Variants in RSPO2 observed in about 807,000 individuals in gnomAD.
RSPO2 encodes R-spondin 2, also known as R-spondin-2.
In RSPO2, 14 loss-of-function variants were observed where a neutral mutation model predicts 30.9. The ratio of observed to expected loss-of-function variants is 0.45; its 90% CI spans 0.30 to 0.71. RSPO2 has a LOEUF of 0.71. Among genes scored for constraint, RSPO2 ranks in the 30% least tolerant of loss-of-function variants. RSPO2 has a pLI of 0.08. For synonymous variants in RSPO2, 107 were observed against 96.4 expected, an observed-to-expected ratio of 1.11 and a Z score of -0.64; for missense variants, 264 against 301.9, an observed-to-expected ratio of 0.87 and a Z score of 0.93.
intron 5 of RSPO2, among the ~76,000 whole-genome samples, chr8:107,930,054 C>T (rs1812505063): frequency 6.6e-6 from 1 of 152,146 alleles, no homozygotes; most frequent in South Asian, 2.1e-4. Flanking sequence ...TATCTATATT[C>T]CTTAGTGGAC....
At chr8:108,068,004 G>A (rs1168210894) in intron 2 of RSPO2, among the ~76,000 whole-genome samples, 1 of 152,218 alleles carries the variant, frequency 6.6e-6, no homozygotes, top group Middle Eastern at 3.4e-3. Context: ...GGGAGGCAGA[G>A]GTTGCAGTGA....
chr8:107,988,976 A>T (rs1476067943), intron 3 of RSPO2, 80 bp downstream of exon 3: 6 of 1,305,542 alleles, frequency 4.6e-6, no homozygotes, highest in Non-Finnish European at 6.3e-6. Flanking sequence ...TTTTTAAAAA[A>T]ATCATTCAAA....
chr8:108,003,567 C>T (rs1484939945), intron 2 of RSPO2, among the ~76,000 whole-genome samples: 3 of 151,250 alleles, frequency 2.0e-5, no homozygotes, highest in Admixed American at 6.6e-5. Context: ...TACCTTAGAC[C>T]GACCCAATTT....
At chr8:107,920,595 T>C (rs1812129889) in intron 5 of RSPO2, among the ~76,000 whole-genome samples, 1 of 152,144 alleles carries the variant, frequency 6.6e-6, no homozygotes, top group Non-Finnish European at 1.5e-5. Flanking sequence ...ACTGCATAAA[T>C]GGTGCATTTC....
At chr8:107,910,169 T>G (rs1811777890) in intron 5 of RSPO2, among the ~76,000 whole-genome samples, 1 of 152,170 alleles carries the variant, frequency 6.6e-6, no homozygotes, top group Admixed American at 6.5e-5. Context: ...TTTAAAATAA[T>G]TCCATTAGAA....
At chr8:107,942,487 G>A (rs906527358) in intron 5 of RSPO2, among the ~76,000 whole-genome samples, 1 of 152,050 alleles carries the variant, frequency 6.6e-6, no homozygotes, top group African/African-American at 2.4e-5. Context: ...TCTAAGTTTA[G>A]GATATTTTGA....
chr8:108,055,932 G>T (rs939924779), intron 2 of RSPO2, among the ~76,000 whole-genome samples: 2 of 152,054 alleles, frequency 1.3e-5, no homozygotes. Context: ...AGCATGGCTG[G>T]GTCAGAATGC....
intron 5 of RSPO2, among the ~76,000 whole-genome samples, chr8:107,934,415 C>T (rs1201129749): frequency 6.6e-6 from 1 of 150,762 alleles, no homozygotes; most frequent in African/African-American, 2.4e-5. Flanking sequence ...TCTTGTTGCC[C>T]AGGCTGGAGT....
intron 3 of RSPO2, among the ~76,000 whole-genome samples, chr8:107,982,758 A>G (rs928769111): frequency 8.5e-5 from 13 of 152,178 alleles, no homozygotes; most frequent in Non-Finnish European, 1.5e-4. Flanking sequence ...TAAACAGTGC[A>G]ACGCTGACAT....
At chr8:107,935,967 C>A (rs1188451596) in intron 5 of RSPO2, among the ~76,000 whole-genome samples, 1 of 152,064 alleles carries the variant, frequency 6.6e-6, no homozygotes, top group Non-Finnish European at 1.5e-5. Context: ...ACACTTCAAC[C>A]CTCTCTTCTA....
intron 2 of RSPO2, among the ~76,000 whole-genome samples, chr8:108,035,260 C>T (rs1811553965): frequency 6.6e-6 from 1 of 152,170 alleles, no homozygotes; most frequent in Non-Finnish European, 1.5e-5. Flanking sequence ...CAGGTAAGAA[C>T]AAGTCAACAA....
At chr8:107,965,178 A>T (rs867460744) in intron 3 of RSPO2, among the ~76,000 whole-genome samples, 2 of 152,200 alleles carry the variant, frequency 1.3e-5, no homozygotes, top group African/African-American at 2.4e-5. Context: ...TAGTTCAGCC[A>T]ACTTACATGC....
intron 2 of RSPO2, among the ~76,000 whole-genome samples, chr8:108,017,754 A>T (rs1251842897): frequency 6.6e-6 from 1 of 152,204 alleles, no homozygotes; most frequent in Non-Finnish European, 1.5e-5. Flanking sequence ...TTTCATTTTA[A>T]TATTAGTAAT....
At chr8:108,004,790 A>T (rs1376630507) in intron 2 of RSPO2, among the ~76,000 whole-genome samples, 1 of 152,232 alleles carries the variant, frequency 6.6e-6, no homozygotes, top group Admixed American at 6.5e-5. Flanking sequence ...ATTTACAGAT[A>T]TTCTGCCCTC....
In RSPO2 at chr8:107,986,773, G is replaced by A. The variant is rs149462007; in HGVS notation, c.283+2283C>T. The stretch of plus-strand genomic sequence containing the variant: ...CACTCTTGCCTTGTCTTCCTTGTGC[G>A]CTAATAGTCTGGAATGAAACACATA... On this transcript the variant is annotated intron_variant, in intron 3 of 5. Coordinates refer to ENST00000276659, the MANE Select transcript of RSPO2 (RefSeq NM_178565.5). Among the ~76,000 whole-genome samples the A allele has an allele frequency of 1.5e-4, 23 of 152,200 alleles. No homozygotes were observed. The East Asian group carries it at 2.3e-3, about 15-fold the overall frequency.
At position 107,900,972 on chromosome 8, in the gene RSPO2, G is replaced by A; in HGVS notation, c.*103C>T. On this transcript the variant is annotated 3_prime_UTR_variant, in exon 6 of 6. Coordinates refer to ENST00000276659, the MANE Select transcript of RSPO2 (RefSeq NM_178565.5). ...CCATGTTACTGGGAACAGATACTGG[G>A]CAGAGCAGCACAAAGGCTGCACACC... 8.2e-7 allele frequency: 1 copy of A among 1,226,072 alleles called. No individual in the cohort carries two copies. Among genetic ancestry groups the A allele is most frequent in the Non-Finnish European group, 1.1e-6 (1 of 870,182 alleles). The allele number at this position is 1,226,072 out of a possible 1,614,324, so 75.9% of individuals were successfully genotyped here. A position where few individuals can be genotyped will look rare whatever the true frequency, so the allele number is the denominator to read the frequency against.
intron 2 of RSPO2, 59 bp from the exon 3 acceptor site, chr8:107,989,303 T>TAC (rs1814770158): frequency 9.3e-7 from 1 of 1,073,234 alleles, no homozygotes; most frequent in Admixed American, 2.7e-5. Context: ...TTTTGGTAAA[T>TAC]ACACCTGCTG....
intron 5 of RSPO2, among the ~76,000 whole-genome samples, chr8:107,945,241 C>CTTTTTTT (rs754722790): frequency 4.7e-4 from 35 of 74,820 alleles, no homozygotes; most frequent in Non-Finnish European, 5.8e-4. Flanking sequence ...ATTCTTTTAC[C>CTTTTTTT]TTTTTTTTTT....
chr8:107,905,054 G>A (rs1044945573), intron 5 of RSPO2, among the ~76,000 whole-genome samples: 1 of 152,104 alleles, frequency 6.6e-6, no homozygotes, highest in Non-Finnish European at 1.5e-5. Flanking sequence ...TTTGAACCAA[G>A]ATATAGGCAG....
Sources: gnomAD v4.1 joint callset for allele counts (sites outside exome capture counted in the v4.1 genomes callset) on GRCh38, gnomAD v4.1.1 for gene constraint, MANE v1.5 for transcripts, NCBI Gene and HGNC (gene_info 2026-07-23, HGNC 2026-07-21) for gene names.